Variants in TEX29 observed in about 807,000 individuals in gnomAD.
TEX29 encodes testis-expressed protein 29.
Under a neutral mutation model 18.2 loss-of-function variants are expected in TEX29, and 26 were observed. That is an observed-to-expected ratio of 1.43 (90% confidence interval 1.04 to 1.98). TEX29 has a LOEUF of 1.98. Ranked by LOEUF, TEX29 falls within the 30% of genes most tolerant of loss-of-function variation. The probability of loss-of-function intolerance (pLI) is 0.00; values close to 1 mark genes in which losing one functional copy is unlikely to be tolerated. For synonymous variants in TEX29, 83 were observed against 78.5 expected (o/e 1.06, Z -0.31); for missense variants, 177 against 194.2 (o/e 0.91, Z 0.53).
Position 111,328,221 on chromosome 13 carries a change from G to T in TEX29, c.97G>T (p.Val33Phe), listed in dbSNP as rs755301859. Residue 33 changes from valine (V) to phenylalanine (F), a missense_variant, in exon 3 of 6, where the codon GTC (valine) becomes TTC (phenylalanine). Transcript: ENST00000283547. ...VPLYDICDYNVSRDRCQELGC... is the reference protein window; with the variant it reads ...VPLYDICDYNFSRDRCQELGC... Reference sequence around the variant, plus strand: ...TCTGTATGACATTTGTGACTACAACGTCTCCAGGGACCGATGCCAGGAGCT... The same window carrying T: ...TCTGTATGACATTTGTGACTACAACTTCTCCAGGGACCGATGCCAGGAGCT... 8.7e-6 allele frequency: 14 copies of T among 1,613,534 alleles called. No individual in the cohort carries two copies. The South Asian group carries it at 1.5e-4, about 18-fold the overall frequency.
intron 3 of TEX29, among the ~76,000 whole-genome samples, 172 bp downstream of exon 3, chr13:111,328,465 T>G (rs186686898): frequency 1.3e-5 from 2 of 151,734 alleles, no homozygotes; most frequent in African/African-American, 4.8e-5. Context: ...AGACTTGGAG[T>G]GGGGTTTGGG....
upstream of TEX29, among the ~76,000 whole-genome samples, chr13:111,319,210 C>T (rs2093659594): frequency 6.6e-6 from 1 of 152,170 alleles, no homozygotes; most frequent in Non-Finnish European, 1.5e-5. Flanking sequence ...CCGGCAATTC[C>T]ACTCCTAGGG....
At chr13:111,333,111 C>T (rs1193598188) in intron 3 of TEX29, among the ~76,000 whole-genome samples, 3 of 152,098 alleles carry the variant, frequency 2.0e-5, no homozygotes, top group Non-Finnish European at 4.4e-5. Flanking sequence ...AATCTTAAGG[C>T]TCCTTTGTAT....
upstream of TEX29, chr13:111,316,229 G>A: frequency 2.0e-6 from 1 of 506,232 alleles, no homozygotes; most frequent in South Asian, 1.5e-5. Flanking sequence ...CATCTGTCAA[G>A]GAAGACAGGA....
upstream of TEX29, among the ~76,000 whole-genome samples, chr13:111,319,206 A>G (rs957470965): frequency 6.6e-6 from 1 of 152,146 alleles, no homozygotes; most frequent in African/African-American, 2.4e-5. Context: ...TGACCCGGCA[A>G]TTCCACTCCT....
At chr13:111,325,855 A>G (rs766118996) in intron 2 of TEX29, among the ~76,000 whole-genome samples, 21 of 152,240 alleles carry the variant, frequency 1.4e-4, no homozygotes, top group Non-Finnish European at 2.9e-4. Flanking sequence ...CTTTATGAAT[A>G]AAAATAATGC....
At chr13:111,336,622 C>T (rs1432466321) in intron 3 of TEX29, among the ~76,000 whole-genome samples, 1 of 152,002 alleles carries the variant, frequency 6.6e-6, no homozygotes, top group Admixed American at 6.5e-5. Context: ...AAGTATCTGA[C>T]TTCAGTTTCT....
At chr13:111,322,320 C>T (rs933857072) in intron 2 of TEX29, among the ~76,000 whole-genome samples, 3 of 150,734 alleles carry the variant, frequency 2.0e-5, no homozygotes, top group Admixed American at 6.6e-5. Flanking sequence ...CTCTTGTGGA[C>T]GGCTGGGGTG....
intron 2 of TEX29, 31 bp downstream of exon 2, chr13:111,320,979 G>A (rs1595682764): frequency 1.5e-6 from 2 of 1,315,036 alleles, no homozygotes; most frequent in African/African-American, 1.5e-5. Context: ...GGGGGCGGGT[G>A]GGGTGGGGGA....
chr13:111,336,090 A>G (rs1341563087), intron 3 of TEX29, among the ~76,000 whole-genome samples: 1 of 152,246 alleles, frequency 6.6e-6, no homozygotes, highest in East Asian at 1.9e-4. Flanking sequence ...AGCTCTCAAG[A>G]AAGTTTTTGA....
rs766969507 is a variant in TEX29 at position 111,339,963 on chromosome 13, G to A, written c.239+31G>A. On this transcript the variant is annotated intron_variant, in intron 4 of 5. Transcript: ENST00000283547. ...TCCCTTTGTTCTTTACTGGGAGGGT[G>A]GGGAGGAGGGGACTCACCTCTCCTG... 3.2e-6 allele frequency: 5 copies of A among 1,569,220 alleles called. No homozygotes were observed. In the Admixed American group the frequency reaches 5.0e-5, roughly 16 times the overall value.
intron 3 of TEX29, among the ~76,000 whole-genome samples, chr13:111,331,424 G>A (rs992641177): frequency 1.3e-5 from 2 of 150,726 alleles, no homozygotes; most frequent in Admixed American, 6.6e-5. Context: ...TTATTATGGA[G>A]TTGTATGGGT....
At chr13:111,319,163 G>A (rs1170885302), upstream of TEX29, among the ~76,000 whole-genome samples, 1 of 152,110 alleles carries the variant, frequency 6.6e-6, no homozygotes, top group Non-Finnish European at 1.5e-5. Context: ...GTGCATTTTG[G>A]GAGGACACAA....
chr13:111,343,466 G>C (rs1009915044), intron 5 of TEX29, among the ~76,000 whole-genome samples: 7 of 152,192 alleles, frequency 4.6e-5, no homozygotes, highest in Admixed American at 2.6e-4. Flanking sequence ...TGGTGCCCTG[G>C]CCACGTGGTG....
upstream of TEX29, among the ~76,000 whole-genome samples, chr13:111,317,037 C>T (rs2093655709): frequency 6.6e-6 from 1 of 152,204 alleles, no homozygotes; most frequent in African/African-American, 2.4e-5. Flanking sequence ...CACCACGTCC[C>T]TCTCTTGACA....
Position 111,342,745 on chromosome 13 carries a change from C to G in TEX29, c.240-11C>G. The G allele has an allele frequency of 6.2e-7, 1 of 1,612,476 alleles. No individual in the cohort carries two copies. On this transcript the variant is annotated splice_polypyrimidine_tract_variant and intron_variant, in intron 4 of 5. Coordinates refer to ENST00000283547, the MANE Select transcript of TEX29 (RefSeq NM_152324.3). Reference sequence around the variant, plus strand: ...ACTTCCCTGACTGTGATAAAACCCTCTTCCCATCAGAGTCATTCAGGAGAG... The same window carrying G: ...ACTTCCCTGACTGTGATAAAACCCTGTTCCCATCAGAGTCATTCAGGAGAG...
chr13:111,334,738 C>G (rs1005215868), intron 3 of TEX29, among the ~76,000 whole-genome samples: 1 of 152,212 alleles, frequency 6.6e-6, no homozygotes, highest in African/African-American at 2.4e-5. Flanking sequence ...TTATTTATAA[C>G]AAATGCCTGG....
chr13:111,328,043 C>T (rs1567160481), intron 2 of TEX29, 140 bp from the exon 3 acceptor site: 2 of 595,744 alleles, frequency 3.4e-6, no homozygotes, highest in Non-Finnish European at 6.1e-6. Context: ...TAAAGATTTG[C>T]AGGATGCGTA....
At chr13:111,317,616 G>A (rs570346918), upstream of TEX29, among the ~76,000 whole-genome samples, 7 of 152,348 alleles carry the variant, frequency 4.6e-5, no homozygotes, top group East Asian at 5.8e-4. Flanking sequence ...TTGTCCCAGC[G>A]AAGTCATCAA....
Sources: allele counts gnomAD v4.1 joint callset (sites outside exome capture counted in the v4.1 genomes callset), GRCh38; gene constraint gnomAD v4.1.1; transcripts MANE v1.5; gene names NCBI Gene and HGNC (gene_info 2026-07-23, HGNC 2026-07-21).